The following MYO3B variants were observed in gnomAD, a reference collection of about 807,000 sequenced individuals.
MYO3B encodes myosin IIIB, also known as myosin-IIIb.
A neutral mutation model predicts 174.6 loss-of-function variants in MYO3B; 156 were observed. That is an observed-to-expected ratio of 0.89 (90% CI 0.78 to 1.02). The LOEUF is 1.02. Among genes scored for constraint, MYO3B ranks in the 50% least tolerant of loss-of-function variants. The pLI, the probability that MYO3B is intolerant of heterozygous loss-of-function variation, is 0.00. For missense variants in MYO3B, 1,632 were observed against 1,639.4 expected, an observed-to-expected ratio of 1.00 and a Z score of 0.08; for synonymous variants, 563 against 569.1, an observed-to-expected ratio of 0.99 and a Z score of 0.15.
chr2:170,612,102 A>G (rs1418629359), intron 32 of MYO3B, among the ~76,000 whole-genome samples: 6 of 152,202 alleles, frequency 3.9e-5, no homozygotes, highest in Non-Finnish European at 1.5e-5. Flanking sequence ...GGACTCAGCC[A>G]CCCCTTCCCT....
chr2:170,380,731 A>G (rs2094329002), intron 9 of MYO3B, among the ~76,000 whole-genome samples: 1 of 152,230 alleles, frequency 6.6e-6, no homozygotes, highest in African/African-American at 2.4e-5. Flanking sequence ...AAAAACTCAC[A>G]TATATACACA....
At chr2:170,408,776 A>C (rs2094527307) in intron 22 of MYO3B, among the ~76,000 whole-genome samples, 1 of 151,352 alleles carries the variant, frequency 6.6e-6, no homozygotes, top group Non-Finnish European at 1.5e-5. Flanking sequence ...AAAAAAAGCC[A>C]CAGTCTACAG....
intron 32 of MYO3B, among the ~76,000 whole-genome samples, chr2:170,559,928 C>CTG (rs1023794076): frequency 2.0e-5 from 3 of 151,962 alleles, no homozygotes; most frequent in Admixed American, 6.6e-5. Context: ...GTGTGTTTGT[C>CTG]TGTGTGTGTG....
intron 32 of MYO3B, among the ~76,000 whole-genome samples, chr2:170,586,185 A>G (rs1559138020): frequency 6.6e-6 from 1 of 152,196 alleles, no homozygotes; most frequent in Admixed American, 6.5e-5. Flanking sequence ...AGTAAACACT[A>G]TATTATAATC....
intron 22 of MYO3B, among the ~76,000 whole-genome samples, chr2:170,424,893 T>G (rs1313806638): frequency 6.6e-6 from 1 of 152,246 alleles, no homozygotes; most frequent in Admixed American, 6.5e-5. Flanking sequence ...AAAGAAATTC[T>G]GCTTCTCTCT....
chr2:170,595,435 C>CTTGTTT (rs1694083563), intron 32 of MYO3B, among the ~76,000 whole-genome samples: 1 of 151,870 alleles, frequency 6.6e-6, no homozygotes, highest in Admixed American at 6.6e-5. Context: ...TCTCTAAGTG[C>CTTGTTT]TTGTTTTTGT....
At chr2:170,360,818 C>G (rs2094155213) in intron 8 of MYO3B, among the ~76,000 whole-genome samples, 1 of 152,218 alleles carries the variant, frequency 6.6e-6, no homozygotes, top group Admixed American at 6.5e-5. Context: ...ACACAGCATT[C>G]CTCTCCTCTG....
chr2:170,231,902 A>C (rs1052375987), intron 6 of MYO3B, among the ~76,000 whole-genome samples: 3 of 152,146 alleles, frequency 2.0e-5, no homozygotes, highest in African/African-American at 7.2e-5. Context: ...ATTTATTTCC[A>C]CCTTACCACT....
chr2:170,301,066 T>C (rs771683253), intron 7 of MYO3B, among the ~76,000 whole-genome samples: 9 of 152,204 alleles, frequency 5.9e-5, no homozygotes, highest in Non-Finnish European at 1.0e-4. Flanking sequence ...GCCCAGGATA[T>C]ATCCTCCAAA....
At chr2:170,331,563 T>A (rs1356572737) in intron 7 of MYO3B, among the ~76,000 whole-genome samples, 1 of 152,100 alleles carries the variant, frequency 6.6e-6, no homozygotes, top group Non-Finnish European at 1.5e-5. Flanking sequence ...CACCACAAAC[T>A]TAGAGGCTGA....
At position 170,500,091 on chromosome 2, in the gene MYO3B, T is replaced by G. The variant is rs368618840; in HGVS notation, c.3289+283T>G. Among the ~76,000 whole-genome samples the G allele has an allele frequency of 8.7e-4, 133 of 152,320 alleles. 2 individuals are homozygous for G. In the South Asian group the frequency reaches 0.024, roughly 28 times the overall value. On this transcript the variant is annotated intron_variant, in intron 27 of 34. Transcript: ENST00000408978. ...GACTGTGTAGGGGTGAAAGAAACTT[T>G]CTTTCCGTGTCCTGAAGATTTGATA...
intron 7 of MYO3B, among the ~76,000 whole-genome samples, chr2:170,314,289 T>C (rs982757729): frequency 5.3e-5 from 8 of 152,174 alleles, no homozygotes; most frequent in Admixed American, 1.3e-4. Flanking sequence ...TTCATGTATA[T>C]GTTCAACCAA....
chr2:170,185,546 G>T (rs1291021431), intron 1 of MYO3B, among the ~76,000 whole-genome samples: 1 of 152,134 alleles, frequency 6.6e-6, no homozygotes, highest in Non-Finnish European at 1.5e-5. Context: ...GGTTACTATA[G>T]CTCTGTAGTA....
At chr2:170,649,681 G>T (rs940884224) in intron 32 of MYO3B, among the ~76,000 whole-genome samples, 2 of 150,678 alleles carry the variant, frequency 1.3e-5, no homozygotes, top group Non-Finnish European at 2.9e-5. Context: ...ACAAAAATTT[G>T]CTGGGTGTGG....
rs1480998074 is a variant in MYO3B, at chr2:170,649,418, A to G, written c.3734-2210A>G. Among the ~76,000 whole-genome samples, 9 of 80,102 alleles carry G rather than the reference A, an allele frequency of 1.1e-4. No individual in the cohort carries two copies. The Admixed American group carries it at 1.4e-3, about 13-fold the overall frequency. The allele number at this position is 80,102 out of a possible 152,430, so 52.6% of individuals were successfully genotyped here. A position where few individuals can be genotyped will look rare whatever the true frequency, so the allele number is the denominator to read the frequency against. On this transcript the variant is annotated intron_variant, in intron 32 of 34. Transcript: ENST00000408978. ...ATATAAAATATAAAATATTACATAT[A>G]AAATATATATAATATATTACATATA...
At chr2:170,489,906 T>A (rs1686347662) in intron 25 of MYO3B, among the ~76,000 whole-genome samples, 1 of 152,124 alleles carries the variant, frequency 6.6e-6, no homozygotes, top group African/African-American at 2.4e-5. Flanking sequence ...CTTCTTTAAC[T>A]TTTTTTAGCC....
chr2:170,597,105 C>G (rs1292748308), intron 32 of MYO3B, among the ~76,000 whole-genome samples: 1 of 152,118 alleles, frequency 6.6e-6, no homozygotes, highest in Non-Finnish European at 1.5e-5. Context: ...GAAGTAGGCT[C>G]CATGTTGTCT....
At chr2:170,465,013 C>T (rs763067636) in intron 24 of MYO3B, among the ~76,000 whole-genome samples, 27 of 145,146 alleles carry the variant, frequency 1.9e-4, no homozygotes, top group South Asian at 1.4e-3. Context: ...ACTACAGGTA[C>T]GTGCCACCAT....
chr2:170,194,350 A>G lies in MYO3B; in HGVS notation c.3-4858A>G, dbSNP rs774209409. On this transcript the variant is annotated intron_variant, in intron 1 of 34. Coordinates refer to ENST00000408978, the MANE Select transcript of MYO3B (RefSeq NM_138995.5). ...AAGATCCTGTCTTTACAAAAAATAA[A>G]AATATTTAGCCAGGTGTGGTAGTGT... Among the ~76,000 whole-genome samples the G allele has an allele frequency of 1.4e-4, 22 of 151,936 alleles. 1 individual carries two copies. The highest frequency in any genetic ancestry group is 3.1e-4 in the Non-Finnish European group (21 of 67,980).
Sources: gnomAD v4.1 joint callset for allele counts (sites outside exome capture counted in the v4.1 genomes callset) on GRCh38, gnomAD v4.1.1 for gene constraint, MANE v1.5 for transcripts, NCBI Gene and HGNC (gene_info 2026-07-23, HGNC 2026-07-21) for gene names.